ECD: variants seen among roughly 807,000 people sequenced by gnomAD.
ECD encodes the protein ecdysoneless cell cycle regulator.
A neutral mutation model predicts 77.2 loss-of-function variants in ECD; 59 were observed. The ratio of observed to expected loss-of-function variants is 0.76; its 90% CI spans 0.62 to 0.95. ECD has a LOEUF of 0.95. ECD is among the 40% of genes least tolerant of loss of function. ECD has a pLI of 0.00. For missense variants in ECD, 704 were observed against 763.4 expected, an observed-to-expected ratio of 0.92 and a Z score of 0.92; for synonymous variants, 233 against 267.4, an observed-to-expected ratio of 0.87 and a Z score of 1.26.
intron 12 of ECD, among the ~76,000 whole-genome samples, chr10:73,137,724 C>G (rs964102583): frequency 6.7e-6 from 1 of 149,546 alleles, no homozygotes; most frequent in African/African-American, 2.5e-5. Flanking sequence ...TGCAGTGAGC[C>G]GAGATCGTGC....
At position 73,160,445 on chromosome 10, in the gene ECD, C is replaced by T; in HGVS notation, c.312G>A (p.Glu104=). Residue 104 remains glutamate, a synonymous_variant, in exon 3 of 14, where the codon GAG becomes GAA. Coordinates refer to ENST00000372979, the MANE Select transcript of ECD (RefSeq NM_007265.3). ...AATAACTACAATACCTTGCTACTAA[C>T]TCTGGAAATTCCTTTGTGATCTGCT... ...VIKQITKEFP[E]LVARIEDNDG... 6.3e-7 allele frequency: 1 copy of T among 1,595,884 alleles called. No individual in the cohort carries two copies. The highest frequency in any genetic ancestry group is 8.5e-7 in the Non-Finnish European group (1 of 1,172,774).
At chr10:73,136,471 A>G (rs139660586) in intron 13 of ECD, among the ~76,000 whole-genome samples, 1 of 152,276 alleles carries the variant, frequency 6.6e-6, no homozygotes, top group East Asian at 1.9e-4. Context: ...AGCATATTAT[A>G]TGACTTTTTA....
Position 73,139,847 on chromosome 10 carries a change from G to GTT in ECD, c.1128-111_1128-110insAA, listed in dbSNP as rs199551005. 7.3e-3 allele frequency: 3,664 copies of GTT among 498,516 alleles called. 17 individuals carry two copies. Among genetic ancestry groups the GTT allele is most frequent in the East Asian group, 0.029 (642 of 21,916 alleles). 30.9% of individuals were successfully genotyped at this position (498,516 alleles called of 1,614,324 possible). ...GGGATTAGCTAGTCTAATTTGGGGA[G>GTT]TGTTTTTTTTTTTTTTTTTTAAGAG... On this transcript the variant is annotated intron_variant, in intron 9 of 13. Coordinates refer to ENST00000372979, the MANE Select transcript of ECD (RefSeq NM_007265.3).
In ECD at chr10:73,157,203, T is replaced by C. The variant is rs1285654695; in HGVS notation, c.324-548A>G. ...TAGTTGGGATTACAAGTGCCCGCCATCATGCCCAGCTAATTTTTGTATTTT... is the reference window on the plus strand; with the variant it reads ...TAGTTGGGATTACAAGTGCCCGCCACCATGCCCAGCTAATTTTTGTATTTT... On this transcript the variant is annotated intron_variant, in intron 3 of 13. Coordinates refer to ENST00000372979, the MANE Select transcript of ECD (RefSeq NM_007265.3). Among the ~76,000 whole-genome samples the C allele has an allele frequency of 3.3e-5, 5 of 151,590 alleles. No homozygotes were observed. The East Asian group carries it at 9.8e-4, about 30-fold the overall frequency.
At chr10:73,165,479 G>T (rs1210761901) in intron 1 of ECD, among the ~76,000 whole-genome samples, 16 of 151,830 alleles carry the variant, frequency 1.1e-4, no homozygotes, top group Non-Finnish European at 1.5e-5. Flanking sequence ...AGCCTCCCGA[G>T]TAGCTGGGAC....
At chr10:73,142,143 G>T (rs1302951295) in intron 9 of ECD, among the ~76,000 whole-genome samples, 1 of 151,800 alleles carries the variant, frequency 6.6e-6, no homozygotes, top group East Asian at 1.9e-4. Context: ...GAGTAGCTGG[G>T]ATTACAGGTG....
intron 7 of ECD, among the ~76,000 whole-genome samples, chr10:73,148,618 A>G (rs769937002): frequency 5.3e-5 from 8 of 152,224 alleles, no homozygotes; most frequent in Admixed American, 1.3e-4. Context: ...CATAAAAGGA[A>G]AGAAAATAAT....
At position 73,146,355 on chromosome 10, in the gene ECD, T is replaced by C. The variant is rs545988421; in HGVS notation, c.1048A>G (p.Ile350Val). The C allele has an allele frequency of 3.5e-5, 55 of 1,591,096 alleles. No individual in the cohort carries two copies. In the South Asian group the frequency reaches 6.2e-4, roughly 18 times the overall value. The change falls in exon 9 of 14, where the codon ATA becomes GTA. Residue 350 changes from isoleucine to valine, a missense_variant. Around this residue, in one of 3 missense-constraint regions of ECD, gnomAD observed 559 missense variants for 583.7 expected, o/e 0.96. Coordinates refer to ENST00000372979, the MANE Select transcript of ECD (RefSeq NM_007265.3). ...TCCCGGTACTGAGCAGAACCTTCTA[T>C]CAGTCCCTTAAAAAAAAAAAAAGGT... Reference protein sequence around the residue: ...LKKNDYFKGLIEGSAQYRERL... With the variant: ...LKKNDYFKGLVEGSAQYRERL...
intron 1 of ECD, among the ~76,000 whole-genome samples, chr10:73,167,496 C>G (rs565668070): frequency 2.6e-5 from 4 of 152,194 alleles, no homozygotes; most frequent in African/African-American, 7.2e-5. Context: ...GGATGGACCA[C>G]CCTAACTCCA....
At chr10:73,160,977 A>T (rs1843369008) in intron 2 of ECD, among the ~76,000 whole-genome samples, 1 of 152,232 alleles carries the variant, frequency 6.6e-6, no homozygotes, top group South Asian at 2.1e-4. Flanking sequence ...AAACATGTGC[A>T]CTATTCACAA....
chr10:73,148,213 T>A, intron 8 of ECD, 63 bp downstream of exon 8: 1 of 1,589,496 alleles, frequency 6.3e-7, no homozygotes. Context: ...TATAGGACTT[T>A]AAGTCGCTGG....
chr10:73,156,255 GA>G lies in ECD; in HGVS notation c.590+19del, dbSNP rs750595254. On this transcript the variant is annotated intron_variant, in intron 5 of 13. Coordinates refer to ENST00000372979, the MANE Select transcript of ECD (RefSeq NM_007265.3). ...ACCAAAAGGTTCCTTAATTAGCAAT[GA>G]AAGTGATATTTTTCTTACCCTCTGA... is the stretch of plus-strand genomic sequence containing the variant. The G allele has an allele frequency of 6.5e-7, 1 of 1,542,738 alleles. No individual in the cohort carries two copies. The highest frequency in any genetic ancestry group is 8.7e-7 in the Non-Finnish European group (1 of 1,150,860).
At chr10:73,136,051 G>A (rs1194266765) in intron 13 of ECD, among the ~76,000 whole-genome samples, 2 of 152,084 alleles carry the variant, frequency 1.3e-5, no homozygotes, top group African/African-American at 4.8e-5. Context: ...GAGGATTACT[G>A]GTTTATAGAT....
Position 73,167,933 on chromosome 10 carries a change from A to G in ECD, c.-81T>C, listed in dbSNP as rs893539073. ...CCTTAGCCGCCTCTCCGACTGCGAG[A>G]GCTGATCGAGAGCTGCCACCGGCCG... On this transcript the variant is annotated 5_prime_UTR_variant, in exon 1 of 14. Coordinates refer to ENST00000372979, the MANE Select transcript of ECD (RefSeq NM_007265.3). 1 of 210,632 alleles carries G rather than the reference A, an allele frequency of 4.7e-6. No homozygotes were observed. The highest frequency in any genetic ancestry group is 9.4e-6 in the Non-Finnish European group (1 of 106,046). The allele number at this position is 210,632 out of a possible 1,614,324, so 13.0% of individuals were successfully genotyped here. A position where few individuals can be genotyped will look rare whatever the true frequency, so the allele number is the denominator to read the frequency against.
In ECD at chr10:73,163,893, C is replaced by T. The variant is rs1480242193; in HGVS notation, c.45G>A (p.Glu15=). Residue 15 remains glutamate (E), a synonymous_variant, in exon 2 of 14, where the codon GAG becomes GAA. Coordinates refer to ENST00000372979, the MANE Select transcript of ECD (RefSeq NM_007265.3). Reference sequence around the variant, plus strand: ...CATCTGGTATCAGGAACAGGCAGTACTCCACTGTGTCTTCCATCGTAGCAA... The same window carrying T: ...CATCTGGTATCAGGAACAGGCAGTATTCCACTGTGTCTTCCATCGTAGCAA... ...MKLATMEDTV[E]YCLFLIPDES... is the part of the protein sequence containing the mutation. 1.2e-6 allele frequency: 2 copies of T among 1,614,192 alleles called. No homozygotes were observed. Among genetic ancestry groups the T allele is most frequent in the South Asian group, 1.1e-5 (1 of 91,086 alleles).
chr10:73,153,280 G>C (rs565742768), intron 6 of ECD, among the ~76,000 whole-genome samples: 1 of 151,928 alleles, frequency 6.6e-6, no homozygotes, highest in East Asian at 2.0e-4. Flanking sequence ...TTTTTGTAGC[G>C]ATGGGGTTCA....
At position 73,163,816 on chromosome 10, in the gene ECD, C is replaced by T. The variant is rs1180417497; in HGVS notation, c.122G>A (p.Arg41Lys). ...CATAGGTGCAAACCGAGTGATTATT[C>T]TCTCAATGTACTTCTGAAGAATCTC... ...HKEILQKYIERIITRFAPMLV... is the reference protein window; with the variant it reads ...HKEILQKYIEKIITRFAPMLV... Residue 41 changes from arginine (R) to lysine (K), a missense_variant, in exon 2 of 14, where the codon AGA becomes AAA. Around this residue, in one of 3 missense-constraint regions of ECD, gnomAD observed 559 missense variants for 583.7 expected, o/e 0.96. Transcript: ENST00000372979. The T allele has an allele frequency of 6.2e-7, 1 of 1,614,168 alleles. No homozygotes were observed. The highest frequency in any genetic ancestry group is 8.5e-7 in the Non-Finnish European group (1 of 1,180,030).
intron 10 of ECD, 60 bp from the exon 11 acceptor site, chr10:73,139,555 G>A (rs768185082): frequency 6.3e-7 from 1 of 1,595,460 alleles, no homozygotes; most frequent in Non-Finnish European, 8.5e-7. Flanking sequence ...TCTTAGGAGA[G>A]GATCCTGTGA....
chr10:73,165,653 G>A (rs1208476181), intron 1 of ECD, among the ~76,000 whole-genome samples: 2 of 151,574 alleles, frequency 1.3e-5, no homozygotes, highest in Non-Finnish European at 2.9e-5. Context: ...TAAATAGTAG[G>A]TGTATATATT....
Sources: allele counts gnomAD v4.1 joint callset (sites outside exome capture counted in the v4.1 genomes callset), GRCh38; gene constraint gnomAD v4.1.1; regional missense constraint gnomAD v4.1.1; transcripts MANE v1.5; gene names NCBI Gene and HGNC (gene_info 2026-07-23, HGNC 2026-07-21).